Variants in CUBN observed in about 807,000 individuals in gnomAD.
The protein encoded by CUBN is 460 kDa receptor.
Under a neutral mutation model 405.3 loss-of-function variants are expected in CUBN, and 282 were observed. The observed-to-expected ratio is 0.70, with a 90% CI of 0.63 to 0.77. CUBN has a LOEUF of 0.77. Among genes scored for constraint, CUBN ranks in the 30% least tolerant of loss-of-function variants. CUBN has a pLI of 0.00. For missense variants in CUBN, 4,514 were observed against 4,475.2 expected (o/e 1.01, Z -0.25); for synonymous variants, 1,684 against 1,617.0 (o/e 1.04, Z -0.99).
chr10:17,076,445 TTCAATAATCTAGGAC>T (rs1196243754), intron 17 of CUBN, among the ~76,000 whole-genome samples: 4 of 149,944 alleles, frequency 2.7e-5, no homozygotes, highest in Non-Finnish European at 5.9e-5. Flanking sequence ...ATGTATTGCG[TTCAATAATCTAGGAC>T]TTGATAAATT....
intron 51 of CUBN, 58 bp from the exon 52 acceptor site, chr10:16,901,517 T>C: frequency 1.2e-6 from 2 of 1,602,646 alleles, no homozygotes; most frequent in Non-Finnish European, 1.7e-6. Flanking sequence ...GAACCGATAA[T>C]GCCAAAGTAA....
chr10:16,840,325 G>A lies in CUBN; in HGVS notation c.10032+5C>T, dbSNP rs911329309. On this transcript the variant is annotated splice_donor_5th_base_variant and intron_variant, in intron 62 of 66. Coordinates refer to ENST00000377833, the MANE Select transcript of CUBN (RefSeq NM_001081.4). The stretch of plus-strand genomic sequence containing the variant: ...TGTGACTGCCATTCATCTTATAATT[G>A]TTACCTGCGGTGAGTCCTGAAGCTG... 4 of 1,612,856 alleles carry A rather than the reference G, an allele frequency of 2.5e-6. No individual in the cohort carries two copies. Among genetic ancestry groups the A allele is most frequent in the Non-Finnish European group, 3.4e-6 (4 of 1,178,930 alleles).
chr10:17,106,304 T>G (rs1455033241), intron 10 of CUBN, among the ~76,000 whole-genome samples: 2 of 145,470 alleles, frequency 1.4e-5, no homozygotes, highest in Non-Finnish European at 3.0e-5. Context: ...ATTTTTTAAT[T>G]ATAATAATAA....
intron 56 of CUBN, among the ~76,000 whole-genome samples, chr10:16,884,876 A>G (rs559208197): frequency 2.0e-5 from 3 of 152,268 alleles, no homozygotes; most frequent in African/African-American, 7.2e-5. Context: ...AACCTTCATC[A>G]CCACCTAAGT....
intron 15 of CUBN, among the ~76,000 whole-genome samples, chr10:17,085,983 T>C (rs1365866243): frequency 1.4e-5 from 2 of 140,876 alleles, no homozygotes; most frequent in Non-Finnish European, 3.0e-5. Flanking sequence ...TTTTTTTTTT[T>C]TGAGATGGAG....
rs184719841 is a variant in CUBN at position 17,113,753 on chromosome 10, G to T, written c.883+274C>A. ...AGTATCTCTTTTGATCTCAAATCTG[G>T]TCAGTTGGTGGTCACTGCAATGCAG... On this transcript the variant is annotated intron_variant, in intron 8 of 66. Transcript: ENST00000377833. Among the ~76,000 whole-genome samples the T allele has an allele frequency of 9.8e-5, 15 of 152,324 alleles. 1 individual carries two copies. The highest frequency in any genetic ancestry group is 3.4e-3 in the Middle Eastern group (1 of 294).
chr10:16,953,840 G>A (rs1037108625), intron 32 of CUBN, among the ~76,000 whole-genome samples: 4 of 151,216 alleles, frequency 2.6e-5, no homozygotes, highest in African/African-American at 2.4e-5. Flanking sequence ...GACAGAGAGA[G>A]ACCCTGTGGA....
chr10:17,112,579 T>C (rs576282895), intron 8 of CUBN, among the ~76,000 whole-genome samples: 91 of 152,270 alleles, frequency 6.0e-4, no homozygotes, highest in African/African-American at 2.1e-3. Context: ...AGATTGTCCA[T>C]GATAAATTAC....
Position 17,108,750 on chromosome 10 carries a change from A to C in CUBN, c.1111+890T>G, listed in dbSNP as rs377205448. Among the ~76,000 whole-genome samples, 7 of 152,234 alleles carry C rather than the reference A, an allele frequency of 4.6e-5. No homozygotes were observed. The East Asian group carries it at 9.6e-4, about 21-fold the overall frequency. ...AGATTTATCTTTTTGACTACGTAAA[A>C]ATTCTAAACTTCTGAATAGCACTAC... is the stretch of plus-strand genomic sequence containing the variant. On this transcript the variant is annotated intron_variant, in intron 10 of 66. Transcript: ENST00000377833.
At chr10:16,849,735 C>G (rs1305565002) in intron 60 of CUBN, among the ~76,000 whole-genome samples, 1 of 152,194 alleles carries the variant, frequency 6.6e-6, no homozygotes, top group African/African-American at 2.4e-5. Flanking sequence ...TGATCCAGGT[C>G]TAAGACTGAC....
At chr10:17,127,781 G>T in intron 3 of CUBN, 48 bp downstream of exon 3, 1 of 1,376,740 alleles carries the variant, frequency 7.3e-7, no homozygotes, top group Non-Finnish European at 1.0e-6. Context: ...TTATACAATA[G>T]AACTAGGGAG....
intron 31 of CUBN, among the ~76,000 whole-genome samples, chr10:16,964,022 A>T (rs1419961410): frequency 5.3e-5 from 8 of 152,212 alleles, no homozygotes. Flanking sequence ...TGAACAGTTC[A>T]TTTCTGTTTG....
At chr10:16,933,899 G>A (rs542981552) in intron 39 of CUBN, among the ~76,000 whole-genome samples, 5 of 152,340 alleles carry the variant, frequency 3.3e-5, no homozygotes, top group African/African-American at 4.8e-5. Context: ...TGAAACAGCT[G>A]TTGCTGATTG....
In CUBN at chr10:17,114,029, G is replaced by A; in HGVS notation, c.881C>T (p.Thr294Ile). The change falls in exon 8 of 67, where the codon ACA becomes ATA. Residue 294 changes from threonine (T) to isoleucine (I), a missense_variant and splice_region_variant. Transcript: ENST00000377833. Reference sequence around the variant, plus strand: ...GGCTTGTGGCCCTGAGAATGTACCTGTTGGACAGGCCCCACAGTAGAAAGA... The same window carrying A: ...GGCTTGTGGCCCTGAGAATGTACCTATTGGACAGGCCCCACAGTAGAAAGA... ...QGSFYCGACPTGWQGNGYICE... is the reference protein window; with the variant it reads ...QGSFYCGACPIGWQGNGYICE... 1 of 1,612,368 alleles carries A rather than the reference G, an allele frequency of 6.2e-7. No individual in the cohort carries two copies. The highest frequency in any genetic ancestry group is 1.3e-5 in the African/African-American group (1 of 75,010).
intron 31 of CUBN, among the ~76,000 whole-genome samples, chr10:16,978,154 C>T (rs767377133): frequency 3.5e-4 from 54 of 152,160 alleles, no homozygotes; most frequent in African/African-American, 1.1e-3. Context: ...ACCTAAGATA[C>T]GAATGGCTTA....
chr10:17,021,624 G>C (rs956972712), intron 27 of CUBN, among the ~76,000 whole-genome samples: 3 of 152,190 alleles, frequency 2.0e-5, no homozygotes, highest in Admixed American at 1.3e-4. Flanking sequence ...ATGAATTCCA[G>C]ACTGATCAAA....
At chr10:16,955,371 T>C (rs1458638700) in intron 31 of CUBN, among the ~76,000 whole-genome samples, 1 of 89,924 alleles carries the variant, frequency 1.1e-5, no homozygotes, top group Non-Finnish European at 2.0e-5. Flanking sequence ...CGAGATTCTG[T>C]CTCAAAAAAA....
intron 66 of CUBN, among the ~76,000 whole-genome samples, chr10:16,825,439 G>A (rs1319905564): frequency 6.6e-6 from 1 of 152,084 alleles, no homozygotes; most frequent in Non-Finnish European, 1.5e-5. Context: ...GGATGGTATT[G>A]AAATTGTATC....
chr10:16,836,396 G>A lies in CUBN; in HGVS notation c.10033-14C>T, dbSNP rs531193716. 3 of 1,612,762 alleles carry A rather than the reference G, an allele frequency of 1.9e-6. No homozygotes were observed. ...ATTTCCGTGACCCTGAAATGAAATG[G>A]GAGCCAAATCATGTTAGATTTAGTC... On this transcript the variant is annotated splice_polypyrimidine_tract_variant and intron_variant, in intron 62 of 66. Coordinates refer to ENST00000377833, the MANE Select transcript of CUBN (RefSeq NM_001081.4).
Sources: gnomAD v4.1 joint callset for allele counts (sites outside exome capture counted in the v4.1 genomes callset) on GRCh38, gnomAD v4.1.1 for gene constraint, MANE v1.5 for transcripts, NCBI Gene and HGNC (gene_info 2026-07-23, HGNC 2026-07-21) for gene names.